MKLN1: variants seen among roughly 807,000 people sequenced by gnomAD.
MKLN1 encodes muskelin 1.
A neutral mutation model predicts 99.0 loss-of-function variants in MKLN1; 18 were observed. That is an observed-to-expected ratio of 0.18 (90% CI 0.13 to 0.27). The LOEUF (loss-of-function observed/expected upper bound fraction) is 0.27, where lower values mean the gene tolerates loss of function less well. Among genes scored for constraint, MKLN1 ranks in the 10% least tolerant of loss-of-function variants. The pLI, the probability that MKLN1 is intolerant of heterozygous loss-of-function variation, is 1.00. For missense variants in MKLN1, 621 were observed against 875.9 expected (o/e 0.71, Z 3.67); for synonymous variants, 288 against 293.2 (o/e 0.98, Z 0.18).
chr7:131,427,752 C>T (rs1011583969), intron 8 of MKLN1, among the ~76,000 whole-genome samples: 1 of 152,130 alleles, frequency 6.6e-6, no homozygotes, highest in Admixed American at 6.5e-5. Context: ...GACGGAGTTT[C>T]ACTATGTTGG....
At chr7:131,250,822 C>T (rs972027285) in intron 3 of MKLN1, among the ~76,000 whole-genome samples, 4 of 152,136 alleles carry the variant, frequency 2.6e-5, no homozygotes, top group African/African-American at 9.7e-5. Flanking sequence ...TCCAAATGTA[C>T]GTACACCATC....
rs1797464468 is a variant in MKLN1 at position 131,492,956 on chromosome 7, G to A, written c.*5228G>A. 6.6e-6 allele frequency: 1 copy of A among 152,074 alleles called. No homozygotes were observed. The highest frequency in any genetic ancestry group is 1.5e-5 in the Non-Finnish European group (1 of 68,026). The allele number at this position is 152,074 out of a possible 1,614,324, so 9.4% of individuals were successfully genotyped here. Reference sequence around the variant, plus strand: ...TGGCTAAAGTTTTATATTGTGAACTGGATCCCACTTAACAGCTTAAAAACA... The same window carrying A: ...TGGCTAAAGTTTTATATTGTGAACTAGATCCCACTTAACAGCTTAAAAACA... On this transcript the variant is annotated 3_prime_UTR_variant, in exon 18 of 18. Coordinates refer to ENST00000352689, the MANE Select transcript of MKLN1 (RefSeq NM_013255.5).
At chr7:131,336,493 ATATTC>A (rs1799254871) in intron 1 of MKLN1, among the ~76,000 whole-genome samples, 2 of 151,966 alleles carry the variant, frequency 1.3e-5, no homozygotes, top group African/African-American at 4.8e-5. Context: ...TACTTGTTCT[ATATTC>A]TATTTTCTCT....
At chr7:131,409,137 GT>G (rs1331223325) in intron 6 of MKLN1, among the ~76,000 whole-genome samples, 1 of 152,036 alleles carries the variant, frequency 6.6e-6, no homozygotes, top group Non-Finnish European at 1.5e-5. Context: ...TTACTAATTT[GT>G]TTCTAAGATT....
chr7:131,116,673 CA>C (rs1795282768), intron 1 of MKLN1, among the ~76,000 whole-genome samples: 2 of 151,306 alleles, frequency 1.3e-5, no homozygotes. Flanking sequence ...AGTACTCCCA[CA>C]AATCCATAAA....
chr7:131,250,416 G>A (rs903816073), intron 3 of MKLN1, among the ~76,000 whole-genome samples: 2 of 152,204 alleles, frequency 1.3e-5, no homozygotes, highest in African/African-American at 4.8e-5. Context: ...TAGAGAGGAA[G>A]AGGCTCCTAA....
At chr7:131,172,596 T>C (rs1361679154) in intron 2 of MKLN1, among the ~76,000 whole-genome samples, 1 of 152,196 alleles carries the variant, frequency 6.6e-6, no homozygotes, top group Non-Finnish European at 1.5e-5. Context: ...ATTACAGGCG[T>C]GAGCCACCGT....
intron 1 of MKLN1, among the ~76,000 whole-genome samples, chr7:131,355,644 A>ATC (rs1489616420): frequency 4.0e-5 from 5 of 126,420 alleles, no homozygotes; most frequent in Admixed American, 3.9e-4. Flanking sequence ...ATATATATAT[A>ATC]TATATGCTTT....
intron 3 of MKLN1, among the ~76,000 whole-genome samples, chr7:131,287,110 A>ACAAAG (rs1798143470): frequency 6.6e-6 from 1 of 152,060 alleles, no homozygotes; most frequent in African/African-American, 2.4e-5. Flanking sequence ...CTGTCTCAAA[A>ACAAAG]CAAAACAAAA....
intron 3 of MKLN1, among the ~76,000 whole-genome samples, chr7:131,274,497 G>A (rs909264362): frequency 6.6e-6 from 1 of 151,850 alleles, no homozygotes; most frequent in East Asian, 1.9e-4. Context: ...ACAAAAATTA[G>A]CTGAGTGTGG....
intron 3 of MKLN1, among the ~76,000 whole-genome samples, chr7:131,225,729 C>T (rs781768274): frequency 4.6e-5 from 7 of 152,252 alleles, no homozygotes; most frequent in South Asian, 2.1e-4. Flanking sequence ...CAAGGCTCCC[C>T]GGTGGGTCTT....
chr7:131,464,287 C>T lies in MKLN1; in HGVS notation c.1674-7C>T. 1 of 1,557,052 alleles carries T rather than the reference C, an allele frequency of 6.4e-7. No homozygotes were observed. Among genetic ancestry groups the T allele is most frequent in the Non-Finnish European group, 8.9e-7 (1 of 1,129,682 alleles). ...CTCTAGAATGCCTTAAAAGCAATGTCTTGCAGGTCTTGTGTCTATAAGAAT... is the reference window on the plus strand; with the variant it reads ...CTCTAGAATGCCTTAAAAGCAATGTTTTGCAGGTCTTGTGTCTATAAGAAT... On this transcript the variant is annotated splice_polypyrimidine_tract_variant and splice_region_variant and intron_variant, in intron 13 of 17. Coordinates refer to ENST00000352689, the MANE Select transcript of MKLN1 (RefSeq NM_013255.5).
At chr7:131,404,555 A>G (rs1359616348) in intron 6 of MKLN1, among the ~76,000 whole-genome samples, 3 of 152,108 alleles carry the variant, frequency 2.0e-5, no homozygotes, top group Admixed American at 2.0e-4. Context: ...AAATGATCCC[A>G]AAGCACTGGA....
intron 17 of MKLN1, 152 bp downstream of exon 17, chr7:131,478,829 C>A: frequency 1.1e-6 from 1 of 913,936 alleles, no homozygotes; most frequent in Non-Finnish European, 1.7e-6. Context: ...TTCTAATAAC[C>A]TGCTACAAGG....
chr7:131,279,697 T>G (rs562172605), intron 3 of MKLN1, among the ~76,000 whole-genome samples: 2 of 152,184 alleles, frequency 1.3e-5, no homozygotes, highest in Middle Eastern at 3.4e-3. Flanking sequence ...TCCCAGCTAC[T>G]CGGGAGGTGG....
At chr7:131,390,568 ATAAT>A (rs1794170732) in intron 4 of MKLN1, among the ~76,000 whole-genome samples, 2 of 152,144 alleles carry the variant, frequency 1.3e-5, no homozygotes, top group Non-Finnish European at 2.9e-5. Flanking sequence ...TTGACAAATA[ATAAT>A]TATATATATT....
intron 2 of MKLN1, among the ~76,000 whole-genome samples, chr7:131,158,306 G>T (rs1462054308): frequency 6.6e-6 from 1 of 152,050 alleles, no homozygotes; most frequent in Non-Finnish European, 1.5e-5. Context: ...GCTGGGCATG[G>T]TGGCAAAGTC....
At chr7:131,449,410 C>G (rs1796113381) in intron 12 of MKLN1, among the ~76,000 whole-genome samples, 1 of 152,126 alleles carries the variant, frequency 6.6e-6, no homozygotes, top group African/African-American at 2.4e-5. Flanking sequence ...TAAGTTTTAA[C>G]AATACCACTT....
intron 3 of MKLN1, among the ~76,000 whole-genome samples, chr7:131,266,961 T>A (rs1376865737): frequency 6.7e-6 from 1 of 149,546 alleles, no homozygotes; most frequent in East Asian, 2.0e-4. Context: ...GGCAATAGAA[T>A]TTTTTTTTTC....
Sources: allele counts gnomAD v4.1 joint callset (sites outside exome capture counted in the v4.1 genomes callset), GRCh38; gene constraint gnomAD v4.1.1; transcripts MANE v1.5; gene names NCBI Gene and HGNC (gene_info 2026-07-23, HGNC 2026-07-21).